SVOPL: variants seen among roughly 807,000 people sequenced by gnomAD.
SVOPL encodes the protein SVOP like.
Under a neutral mutation model 61.0 loss-of-function variants are expected in SVOPL, and 60 were observed. The observed-to-expected ratio is 0.98, with a 90% confidence interval of 0.80 to 1.22. The LOEUF (loss-of-function observed/expected upper bound fraction) is 1.22, where lower values mean the gene tolerates loss of function less well. SVOPL is among the 50% of genes most tolerant of loss of function. The pLI, the probability that SVOPL is intolerant of heterozygous loss-of-function variation, is 0.00. For synonymous variants in SVOPL, 279 were observed against 250.0 expected (o/e 1.12, Z -1.09); for missense variants, 662 against 643.9 (o/e 1.03, Z -0.30).
chr7:138,655,395 C>T (rs1423457443), intron 7 of SVOPL, among the ~76,000 whole-genome samples: 1 of 152,042 alleles, frequency 6.6e-6, no homozygotes, highest in Non-Finnish European at 1.5e-5. Flanking sequence ...ATTCCAGCTA[C>T]TTGGGAGGTT....
intron 1 of SVOPL, among the ~76,000 whole-genome samples, chr7:138,686,331 G>C (rs187191068): frequency 0.014 from 2,179 of 151,406 alleles, 17 homozygotes; most frequent in Non-Finnish European, 0.016. Context: ...TGAACCCCGG[G>C]GGGGGCGGAG....
At chr7:138,627,315 C>A (rs372187321) in intron 12 of SVOPL, 35 bp downstream of exon 12, 341 of 1,536,782 alleles carry the variant, frequency 2.2e-4, no homozygotes, top group Non-Finnish European at 2.8e-4. Context: ...TTAGAAACCA[C>A]TGCACAAAAT....
At chr7:138,651,021 A>C (rs187036303) in intron 7 of SVOPL, among the ~76,000 whole-genome samples, 201 of 151,318 alleles carry the variant, frequency 1.3e-3, no homozygotes, top group Middle Eastern at 0.01. Flanking sequence ...CGAAACCTCT[A>C]ATCAATGGCC....
At chr7:138,633,659 T>C (rs1309594491) in intron 9 of SVOPL, among the ~76,000 whole-genome samples, 1 of 152,126 alleles carries the variant, frequency 6.6e-6, no homozygotes, top group African/African-American at 2.4e-5. Context: ...GCTCCAGTTA[T>C]AATAGGTTTT....
At chr7:138,671,939 GC>G (rs1425103451) in intron 4 of SVOPL, 79 bp downstream of exon 4, 5 of 1,313,736 alleles carry the variant, frequency 3.8e-6, no homozygotes, top group East Asian at 2.5e-5. Context: ...ACACCCTTTG[GC>G]TCTCAGCCCT....
intron 15 of SVOPL, among the ~76,000 whole-genome samples, chr7:138,595,225 A>G (rs1045239668): frequency 6.6e-6 from 1 of 152,186 alleles, no homozygotes; most frequent in Non-Finnish European, 1.5e-5. Flanking sequence ...GAAGGAAGTT[A>G]CTATTTTTGC....
chr7:138,690,531 A>C (rs1802916902), intron 1 of SVOPL, among the ~76,000 whole-genome samples: 1 of 152,266 alleles, frequency 6.6e-6, no homozygotes. Context: ...TAAGCAAAAG[A>C]AGTCATATAA....
chr7:138,606,564 G>A (rs952264070), intron 14 of SVOPL, among the ~76,000 whole-genome samples: 25 of 152,046 alleles, frequency 1.6e-4, no homozygotes, highest in Admixed American at 4.6e-4. Context: ...CAAGGAGCCC[G>A]CTCATTACAC....
chr7:138,607,132 G>A (rs1245118655), intron 14 of SVOPL, among the ~76,000 whole-genome samples: 1 of 151,992 alleles, frequency 6.6e-6, no homozygotes, highest in Non-Finnish European at 1.5e-5. Context: ...GGGGAGAGAT[G>A]TCAGGAGTTT....
intron 9 of SVOPL, among the ~76,000 whole-genome samples, chr7:138,631,722 A>G (rs1800200789): frequency 6.6e-6 from 1 of 151,972 alleles, no homozygotes; most frequent in African/African-American, 2.4e-5. Context: ...GTGTACATCA[A>G]ATCGTCCAGC....
At chr7:138,663,795 A>G (rs1802117758) in intron 4 of SVOPL, among the ~76,000 whole-genome samples, 1 of 151,306 alleles carries the variant, frequency 6.6e-6, no homozygotes, top group Non-Finnish European at 1.5e-5. Context: ...GCTTCACTGC[A>G]GCCCTGACTG....
At chr7:138,634,224 G>T (rs866053437) in intron 9 of SVOPL, among the ~76,000 whole-genome samples, 2 of 152,196 alleles carry the variant, frequency 1.3e-5, no homozygotes, top group South Asian at 4.1e-4. Context: ...TCTGCACTGA[G>T]GATCTGGTGC....
rs545321426 is a variant in SVOPL, at chr7:138,639,567, C to T, written c.789+5150G>A. ...GCTTGAACCTGGGAGGCAGAGGTTG[C>T]AGAGACTGTGCCTCTGCACTACAGC... is the stretch of plus-strand genomic sequence containing the variant. On this transcript the variant is annotated intron_variant, in intron 9 of 15. Coordinates refer to ENST00000674285, the MANE Select transcript of SVOPL (RefSeq NM_001139456.2). Among the ~76,000 whole-genome samples, 6 of 149,828 alleles carry T rather than the reference C, an allele frequency of 4.0e-5. No individual in the cohort carries two copies. The South Asian group carries it at 8.4e-4, about 21-fold the overall frequency.
chr7:138,621,002 C>A, intron 14 of SVOPL, 44 bp downstream of exon 14: 1 of 1,580,350 alleles, frequency 6.3e-7, no homozygotes, highest in Non-Finnish European at 8.7e-7. Flanking sequence ...CCTCTTACCC[C>A]CTCTCTCAGA....
At chr7:138,687,741 T>A (rs1802852400) in intron 1 of SVOPL, among the ~76,000 whole-genome samples, 1 of 149,592 alleles carries the variant, frequency 6.7e-6, no homozygotes, top group Non-Finnish European at 1.5e-5. Context: ...ACCATATACC[T>A]GATAAGAGTG....
chr7:138,644,190 A>G (rs1800973927), intron 9 of SVOPL, among the ~76,000 whole-genome samples: 1 of 116,590 alleles, frequency 8.6e-6, no homozygotes, highest in South Asian at 3.1e-4. Flanking sequence ...ACAGAGCAAG[A>G]CTCCATCAAA....
chr7:138,663,315 G>A, intron 4 of SVOPL, 170 bp from the exon 5 acceptor site: 1 of 1,440,510 alleles, frequency 6.9e-7, no homozygotes, highest in Non-Finnish European at 9.1e-7. Flanking sequence ...TTCATGTTCA[G>A]GATTTCAGCT....
In SVOPL at chr7:138,649,026, T is replaced by C; in HGVS notation, c.646A>G (p.Ile216Val). The C allele has an allele frequency of 1.2e-6, 2 of 1,613,542 alleles. No individual in the cohort carries two copies. The highest frequency in any genetic ancestry group is 1.7e-6 in the Non-Finnish European group (2 of 1,179,852). ...TGCTTCCCCACCTTGAAGGCCACGA[T>C]GAGGATGATGCCCGGGATGGAGGCG... Reference protein sequence around the residue: ...RVASIPGIILIVAFKFIPESA... With the variant: ...RVASIPGIILVVAFKFIPESA... The change falls in exon 8 of 16, where the codon ATC becomes GTC. Residue 216 changes from isoleucine (I) to valine (V), a missense_variant. Transcript: ENST00000674285.
Position 138,627,440 on chromosome 7 carries a change from C to T in SVOPL, c.1091G>A (p.Gly364Asp). 6.2e-7 allele frequency: 1 copy of T among 1,613,378 alleles called. No homozygotes were observed. The highest frequency in any genetic ancestry group is 8.5e-7 in the Non-Finnish European group (1 of 1,179,438). The change falls in exon 12 of 16, where the codon GGC becomes GAC. Residue 364 changes from glycine (G) to aspartate (D), a missense_variant. Physicochemically the swap from Gly to Asp is moderately conservative, Grantham distance 94. Coordinates refer to ENST00000674285, the MANE Select transcript of SVOPL (RefSeq NM_001139456.2). ...EIALNPLNIL[G>D]INFLGRRLSL... ...CAGCCGTCTTCCCAGGAAATTGATGCCCAGTATATTTAAAGGATTCACTAG... is the reference window on the plus strand; with the variant it reads ...CAGCCGTCTTCCCAGGAAATTGATGTCCAGTATATTTAAAGGATTCACTAG...
Sources: allele counts gnomAD v4.1 joint callset (sites outside exome capture counted in the v4.1 genomes callset), GRCh38; gene constraint gnomAD v4.1.1; transcripts MANE v1.5; gene names NCBI Gene and HGNC (gene_info 2026-07-23, HGNC 2026-07-21).